The following NCKAP5 variants were observed in gnomAD, a reference collection of about 807,000 sequenced individuals.
NCKAP5 encodes NCK associated protein 5, also known as nck-associated protein 5.
Under a neutral mutation model 167.0 loss-of-function variants are expected in NCKAP5, and 92 were observed. That is an observed-to-expected ratio of 0.55 (90% CI 0.47 to 0.66). The LOEUF (loss-of-function observed/expected upper bound fraction) is 0.66, where lower values mean the gene tolerates loss of function less well. Among genes scored for constraint, NCKAP5 ranks in the 30% least tolerant of loss-of-function variants. The pLI is 0.00. For missense variants in NCKAP5, 2,378 were observed against 2,315.0 expected (o/e 1.03, Z -0.56); for synonymous variants, 891 against 877.4 (o/e 1.02, Z -0.27).
chr2:133,025,281 T>C (rs1014637380), intron 6 of NCKAP5, among the ~76,000 whole-genome samples: 2 of 152,212 alleles, frequency 1.3e-5, no homozygotes, highest in African/African-American at 4.8e-5. Context: ...CATGACTAAA[T>C]GCTAGTTGAT....
chr2:132,790,541 C>T (rs925654680), intron 12 of NCKAP5, among the ~76,000 whole-genome samples: 1 of 152,134 alleles, frequency 6.6e-6, no homozygotes. Context: ...TGTATGGGTG[C>T]TCACAGTACA....
chr2:133,465,670 G>GTT (rs1692526378), intron 3 of NCKAP5, among the ~76,000 whole-genome samples: 1 of 151,926 alleles, frequency 6.6e-6, no homozygotes, highest in South Asian at 2.1e-4. Flanking sequence ...TCCAGCACCT[G>GTT]TTGTTTCCTG....
the NCKAP5 span, among the ~76,000 whole-genome samples, chr2:133,600,471 A>C: frequency 6.6e-6 from 1 of 152,230 alleles, no homozygotes; most frequent in African/African-American, 2.4e-5. Flanking sequence ...CAAAGCCCCG[A>C]ACAATGAGCC....
In NCKAP5 at chr2:132,823,831, C is replaced by T. The variant is rs565106550; in HGVS notation, c.808-27102G>A. ...AAGAGACTCACCTAACACATAAGGA[C>T]TCACATAAACCTAAGGGATGGGGTG... On this transcript the variant is annotated intron_variant, in intron 11 of 19. Transcript: ENST00000409261. Among the ~76,000 whole-genome samples, 13 of 152,264 alleles carry T rather than the reference C, an allele frequency of 8.5e-5. No homozygotes were observed. The South Asian group carries it at 2.5e-3, about 29-fold the overall frequency.
chr2:133,049,255 G>A (rs2079516316), intron 6 of NCKAP5, among the ~76,000 whole-genome samples: 1 of 152,156 alleles, frequency 6.6e-6, no homozygotes, highest in South Asian at 2.1e-4. Flanking sequence ...AAGAATGTGA[G>A]CACAGGCTGC....
chr2:133,435,147 A>G (rs1690393454), intron 3 of NCKAP5, among the ~76,000 whole-genome samples: 1 of 152,140 alleles, frequency 6.6e-6, no homozygotes. Flanking sequence ...AACTACTCTT[A>G]TATTCAAGTG....
chr2:133,450,755 A>G (rs1398386488), intron 3 of NCKAP5, among the ~76,000 whole-genome samples: 1 of 152,124 alleles, frequency 6.6e-6, no homozygotes, highest in Non-Finnish European at 1.5e-5. Context: ...TGCCACAAAA[A>G]CCTTCTGGTT....
chr2:133,418,563 A>T (rs1689270045), intron 3 of NCKAP5, among the ~76,000 whole-genome samples: 1 of 152,188 alleles, frequency 6.6e-6, no homozygotes, highest in African/African-American at 2.4e-5. Flanking sequence ...CAAACGGAGG[A>T]TTCAAGAACA....
intron 5 of NCKAP5, among the ~76,000 whole-genome samples, chr2:133,148,851 A>G (rs1419223155): frequency 6.6e-6 from 1 of 152,118 alleles, no homozygotes; most frequent in African/African-American, 2.4e-5. Context: ...TCACATTGGA[A>G]ATGAGAGTTT....
At chr2:133,161,470 T>C (rs1488214184) in intron 5 of NCKAP5, among the ~76,000 whole-genome samples, 1 of 152,204 alleles carries the variant, frequency 6.6e-6, no homozygotes, top group Non-Finnish European at 1.5e-5. Flanking sequence ...AATACACCTC[T>C]AGCCCAGATT....
At chr2:133,216,906 G>A (rs962865506) in intron 4 of NCKAP5, among the ~76,000 whole-genome samples, 1 of 152,062 alleles carries the variant, frequency 6.6e-6, no homozygotes, top group African/African-American at 2.4e-5. Flanking sequence ...TCCAAAGTAT[G>A]TGCATGTACT....
chr2:132,706,337 T>C (rs1419648694), intron 19 of NCKAP5, among the ~76,000 whole-genome samples: 2 of 152,180 alleles, frequency 1.3e-5, no homozygotes, highest in Non-Finnish European at 2.9e-5. Context: ...TGGGCCACCA[T>C]CTCAGTTCTG....
chr2:132,876,062 T>A (rs369455910), intron 9 of NCKAP5, among the ~76,000 whole-genome samples: 22 of 152,198 alleles, frequency 1.4e-4, no homozygotes, highest in African/African-American at 5.1e-4. Context: ...AAAATAACCA[T>A]CAGTGCAAGA....
intron 10 of NCKAP5, among the ~76,000 whole-genome samples, chr2:132,861,890 G>A (rs1296912360): frequency 3.3e-5 from 5 of 152,200 alleles, no homozygotes; most frequent in African/African-American, 1.2e-4. Context: ...CCAGCATATT[G>A]CTCTTACATT....
At chr2:132,699,255 T>TA (rs1356814099) in intron 19 of NCKAP5, among the ~76,000 whole-genome samples, 3 of 152,210 alleles carry the variant, frequency 2.0e-5, no homozygotes, top group Non-Finnish European at 4.4e-5. Flanking sequence ...GTGTCCCACA[T>TA]AGCATGTTGC....
the NCKAP5 span, among the ~76,000 whole-genome samples, chr2:133,621,252 A>G: frequency 4.6e-5 from 7 of 152,088 alleles, no homozygotes; most frequent in African/African-American, 1.7e-4. Flanking sequence ...ACCCAGCACA[A>G]GAAAGAAAGA....
intron 19 of NCKAP5, among the ~76,000 whole-genome samples, chr2:132,681,308 T>C (rs1685192568): frequency 6.6e-6 from 1 of 151,772 alleles, no homozygotes; most frequent in East Asian, 1.9e-4. Context: ...TAAAAATAAA[T>C]ATACATACTA....
intron 4 of NCKAP5, among the ~76,000 whole-genome samples, chr2:133,241,736 T>C (rs552362134): frequency 6.6e-6 from 1 of 152,290 alleles, no homozygotes; most frequent in South Asian, 2.1e-4. Context: ...GAACGTGGTT[T>C]GTCCACTAGG....
intron 17 of NCKAP5, among the ~76,000 whole-genome samples, chr2:132,731,417 G>C (rs1487343835): frequency 6.6e-6 from 1 of 152,126 alleles, no homozygotes; most frequent in African/African-American, 2.4e-5. Context: ...GGCTGAAATT[G>C]GTCTATATTC....
Sources: gnomAD v4.1 joint callset for allele counts (sites outside exome capture counted in the v4.1 genomes callset) on GRCh38, gnomAD v4.1.1 for gene constraint, MANE v1.5 for transcripts, NCBI Gene and HGNC (gene_info 2026-07-23, HGNC 2026-07-21) for gene names.